VRTN: variants seen among roughly 807,000 people sequenced by gnomAD.
VRTN encodes vertebrae development associated, also known as vertnin.
Under a neutral mutation model 18.2 loss-of-function variants are expected in VRTN, and 5 were observed. That is an observed-to-expected ratio of 0.27 (90% CI 0.14 to 0.58). VRTN has a LOEUF of 0.58. Among genes scored for constraint, VRTN ranks in the 20% least tolerant of loss-of-function variants. VRTN has a pLI of 0.91. For synonymous variants in VRTN, 381 were observed against 393.7 expected (o/e 0.97, Z 0.38); for missense variants, 741 against 939.4 (o/e 0.79, Z 2.76).
At chr14:74,339,738 C>T (rs2085588462) in intron 2 of VRTN, among the ~76,000 whole-genome samples, 1 of 152,180 alleles carries the variant, frequency 6.6e-6, no homozygotes, top group African/African-American at 2.4e-5. Flanking sequence ...CGATTGAGCC[C>T]AGTATTTTGA....
In VRTN at chr14:74,359,156, G is replaced by A. The variant is rs2085762084; in HGVS notation, c.*264G>A. ...GTCATATTTTTACTGTTATGATTTA[G>A]TTTTTGGTTTTGATTTGAGTGGGTT... On this transcript the variant is annotated 3_prime_UTR_variant, in exon 2 of 2. Coordinates refer to ENST00000256362, the MANE Select transcript of VRTN (RefSeq NM_018228.3). 1.7e-6 allele frequency: 1 copy of A among 603,610 alleles called. No individual in the cohort carries two copies. The highest frequency in any genetic ancestry group is 6.8e-5 in the South Asian group (1 of 14,618). The allele number at this position is 603,610 out of a possible 1,614,324, so 37.4% of individuals were successfully genotyped here.
intron 1 of VRTN, among the ~76,000 whole-genome samples, chr14:74,328,291 C>T (rs1595167496): frequency 6.6e-6 from 1 of 152,266 alleles, no homozygotes; most frequent in East Asian, 1.9e-4. Context: ...TCCAGCCAGC[C>T]CTCTGTCTGG....
At chr14:74,315,812 A>G (rs879823) in intron 1 of VRTN, among the ~76,000 whole-genome samples, 25,991 of 152,138 alleles carry the variant, frequency 0.17, 2,951 homozygotes, top group East Asian at 0.49. Context: ...TGAAGGAAGC[A>G]TGATTGGGCA....
At position 74,357,002 on chromosome 14, in the gene VRTN, C is replaced by T; in HGVS notation, c.219C>T (p.Asn73=). ...LSLYPEDAPR[N]MLPLVCKGEG... ...TGTATCCAGAAGATGCTCCACGGAA[C>T]ATGCTGCCGCTGGTGTGCAAGGGGG... is the stretch of plus-strand genomic sequence containing the variant. The change falls in exon 2 of 2, where the codon AAC becomes AAT. Residue 73 remains asparagine (N), a synonymous_variant. Transcript: ENST00000256362. The surrounding 1 kb of genome is among the most constrained non-coding windows in gnomAD (Gnocchi z 7.8). 6.2e-7 allele frequency: 1 copy of T among 1,610,290 alleles called. No individual in the cohort carries two copies. Among genetic ancestry groups the T allele is most frequent in the East Asian group, 2.2e-5 (1 of 44,820 alleles).
At chr14:74,303,033 G>C (rs72542403), upstream of VRTN, 1,950 of 1,108,018 alleles carry the variant, frequency 1.8e-3, 25 homozygotes, top group African/African-American at 0.028. Flanking sequence ...GAAGGTGCGG[G>C]AGACGCGGAC....
rs559655703 is a variant in VRTN at position 74,358,868 on chromosome 14, C to T, written c.2085C>T (p.Asp695=). ...ACATGTGGAAGCGAGCCCTCTATGA[C>T]GGCCTGACCCTGGTAGATGGCTGAC... ...TYYMWKRALY[D]GLTLVDG The change falls in exon 2 of 2, where the codon GAC becomes GAT. Residue 695 remains aspartate, a synonymous_variant. Coordinates refer to ENST00000256362, the MANE Select transcript of VRTN (RefSeq NM_018228.3). The surrounding 1 kb of genome is among the most constrained non-coding windows in gnomAD (Gnocchi z 5.4). 4.0e-5 allele frequency: 65 copies of T among 1,611,656 alleles called. No homozygotes were observed. The highest frequency in any genetic ancestry group is 6.7e-5 in the African/African-American group (5 of 74,882).
intron 1 of VRTN, among the ~76,000 whole-genome samples, chr14:74,312,421 A>G (rs186692768): frequency 1.3e-4 from 20 of 149,846 alleles, no homozygotes; most frequent in African/African-American, 5.1e-4. Flanking sequence ...GTTTGACTAA[A>G]GAGCCCATAT....
chr14:74,305,463 G>T, intron 1 of VRTN: 1 of 200,666 alleles, frequency 5.0e-6, no homozygotes. Context: ...AGCTCTTCTG[G>T]CAGCGGTTCT....
chr14:74,305,059 C>T (rs927163338), intron 1 of VRTN, among the ~76,000 whole-genome samples: 2 of 152,014 alleles, frequency 1.3e-5, no homozygotes, highest in Non-Finnish European at 2.9e-5. Flanking sequence ...AGGCTGGGCA[C>T]GGTGGCTCAC....
At chr14:74,351,574 C>T (rs1305051238) in intron 1 of VRTN, among the ~76,000 whole-genome samples, 2 of 150,412 alleles carry the variant, frequency 1.3e-5, no homozygotes, top group Non-Finnish European at 2.9e-5. Context: ...AATCTCAGTC[C>T]CCTGAGGCTC....
intron 1 of VRTN, among the ~76,000 whole-genome samples, chr14:74,312,598 A>G (rs1298498968): frequency 6.6e-6 from 1 of 151,768 alleles, no homozygotes; most frequent in Non-Finnish European, 1.5e-5. Flanking sequence ...CTACAGGCAC[A>G]TGCCACCACA....
chr14:74,336,355 C>T (rs138051123), intron 1 of VRTN, among the ~76,000 whole-genome samples: 2,515 of 151,992 alleles, frequency 0.017, 70 homozygotes, highest in African/African-American at 0.058. Context: ...TGCAGTTAGC[C>T]GAGATTGCAC....
chr14:74,325,643 C>G (rs1216237869), intron 1 of VRTN, among the ~76,000 whole-genome samples: 1 of 151,852 alleles, frequency 6.6e-6, no homozygotes, highest in Non-Finnish European at 1.5e-5. Context: ...CCCCTGTCTA[C>G]TCAGGAGTCC....
At chr14:74,355,752 G>T (rs1364955487) in intron 1 of VRTN, among the ~76,000 whole-genome samples, 2 of 151,546 alleles carry the variant, frequency 1.3e-5, no homozygotes, top group Non-Finnish European at 2.9e-5. Context: ...TGTTGGCCAG[G>T]CTGGCCTCAA....
intron 1 of VRTN, among the ~76,000 whole-genome samples, chr14:74,348,999 G>A (rs1399925376): frequency 1.3e-5 from 2 of 151,994 alleles, no homozygotes; most frequent in Non-Finnish European, 1.5e-5. Flanking sequence ...TGGAGCCCCG[G>A]ACCTGCCAGC....
chr14:74,339,722 G>A (rs931308210), intron 2 of VRTN, among the ~76,000 whole-genome samples: 1 of 152,166 alleles, frequency 6.6e-6, no homozygotes, highest in African/African-American at 2.4e-5. Flanking sequence ...GCTGAGGCGG[G>A]AGGATCGATT....
Position 74,358,661 on chromosome 14 carries a change from C to T in VRTN, c.1878C>T (p.Ser626=). Residue 626 remains serine (S), a synonymous_variant, in exon 2 of 2, where the codon AGC becomes AGT. Transcript: ENST00000256362. The surrounding 1 kb of genome is among the most constrained non-coding windows in gnomAD (Gnocchi z 5.4). The part of the protein sequence containing the change: ...QGQPHSGPLL[S]QPVVAAAGGR... ...AGCCCCACAGTGGGCCCTTGCTGAG[C>T]CAACCTGTGGTGGCAGCAGCGGGTG... 6.2e-7 allele frequency: 1 copy of T among 1,611,860 alleles called. No homozygotes were observed. The highest frequency in any genetic ancestry group is 8.5e-7 in the Non-Finnish European group (1 of 1,178,858).
intron 1 of VRTN, among the ~76,000 whole-genome samples, chr14:74,323,925 T>C (rs2085471402): frequency 6.6e-6 from 1 of 152,234 alleles, no homozygotes; most frequent in Non-Finnish European, 1.5e-5. Context: ...TTGCTGAATC[T>C]GGCAACCTTC....
At chr14:74,343,806 T>A (rs2085623932), upstream of VRTN, among the ~76,000 whole-genome samples, 1 of 152,032 alleles carries the variant, frequency 6.6e-6, no homozygotes, top group Non-Finnish European at 1.5e-5. Flanking sequence ...CGCATTAATT[T>A]TTTTTTTTAA....
Sources: gnomAD v4.1 joint callset for allele counts (sites outside exome capture counted in the v4.1 genomes callset) on GRCh38, gnomAD v4.1.1 for gene constraint, Gnocchi (gnomAD v3.1) non-coding constraint, MANE v1.5 for transcripts, NCBI Gene and HGNC (gene_info 2026-07-23, HGNC 2026-07-21) for gene names.